CSMD1: variants seen among roughly 807,000 people sequenced by gnomAD.
The protein encoded by CSMD1 is CUB and sushi domain-containing protein 1.
CSMD1 carries 213 observed loss-of-function variants against 417.5 expected under a neutral mutation model. The observed-to-expected ratio is 0.51, with a 90% CI of 0.46 to 0.57. The LOEUF is 0.57. Among genes scored for constraint, CSMD1 ranks in the 20% least tolerant of loss-of-function variants. The pLI is 0.00. For synonymous variants in CSMD1, 2,862 were observed against 1,736.8 expected, an observed-to-expected ratio of 1.65 and a Z score of -16.11; for missense variants, 6,923 against 4,529.7, an observed-to-expected ratio of 1.53 and a Z score of -15.17.
At chr8:4,064,737 C>A (rs1563075522) in intron 3 of CSMD1, among the ~76,000 whole-genome samples, 1 of 152,162 alleles carries the variant, frequency 6.6e-6, no homozygotes, top group Non-Finnish European at 1.5e-5. Flanking sequence ...CCTTCACAAC[C>A]GAGATCTCTC....
At chr8:3,691,409 CA>C (rs1800238298) in intron 7 of CSMD1, among the ~76,000 whole-genome samples, 1 of 151,602 alleles carries the variant, frequency 6.6e-6, no homozygotes, top group African/African-American at 2.4e-5. Context: ...AAAAACAAAA[CA>C]AACAAAAAAC....
At chr8:4,276,450 A>C (rs897405923) in intron 3 of CSMD1, among the ~76,000 whole-genome samples, 1 of 152,100 alleles carries the variant, frequency 6.6e-6, no homozygotes, top group African/African-American at 2.4e-5. Flanking sequence ...CTTGGAGGGG[A>C]ACATCACACA....
At chr8:3,018,248 C>T (rs778929792) in intron 52 of CSMD1, among the ~76,000 whole-genome samples, 1 of 152,164 alleles carries the variant, frequency 6.6e-6, no homozygotes, top group Non-Finnish European at 1.5e-5. Flanking sequence ...AGCACTCTTG[C>T]AAGATTGCCT....
intron 1 of CSMD1, among the ~76,000 whole-genome samples, chr8:4,733,918 G>C (rs577970876): frequency 6.6e-6 from 1 of 152,094 alleles, no homozygotes; most frequent in South Asian, 2.1e-4. Flanking sequence ...AAACAGACAA[G>C]GATAGCATTT....
intron 1 of CSMD1, among the ~76,000 whole-genome samples, chr8:4,794,597 G>T (rs192821949): frequency 6.6e-6 from 1 of 151,938 alleles, no homozygotes; most frequent in Non-Finnish European, 1.5e-5. Context: ...CCCCTCACAC[G>T]CCTCTGGGCT....
intron 5 of CSMD1, among the ~76,000 whole-genome samples, chr8:3,808,510 G>A (rs6988435): frequency 6.6e-6 from 1 of 152,124 alleles, no homozygotes; most frequent in East Asian, 1.9e-4. Context: ...GAAAGACTAA[G>A]AGCATGCTAC....
intron 3 of CSMD1, among the ~76,000 whole-genome samples, chr8:4,261,201 A>G (rs900684802): frequency 6.6e-6 from 1 of 152,222 alleles, no homozygotes. Flanking sequence ...GTTAAAAGCT[A>G]CTAGAGAAAG....
At chr8:4,222,478 T>G (rs562802910) in intron 3 of CSMD1, among the ~76,000 whole-genome samples, 2 of 152,246 alleles carry the variant, frequency 1.3e-5, no homozygotes, top group South Asian at 4.1e-4. Flanking sequence ...ATGTTCTCAG[T>G]AAGTCAGTCA....
At chr8:3,011,811 C>A (rs1808402543) in intron 52 of CSMD1, among the ~76,000 whole-genome samples, 2 of 152,148 alleles carry the variant, frequency 1.3e-5, no homozygotes, top group Non-Finnish European at 2.9e-5. Context: ...TGACAGGAAA[C>A]CTAGACCACA....
At chr8:4,187,053 A>C (rs1798722209) in intron 3 of CSMD1, among the ~76,000 whole-genome samples, 1 of 152,124 alleles carries the variant, frequency 6.6e-6, no homozygotes, top group Non-Finnish European at 1.5e-5. Flanking sequence ...TGCCCATATA[A>C]ATGTTTGCTC....
intron 3 of CSMD1, among the ~76,000 whole-genome samples, chr8:4,142,479 G>T (rs968308359): frequency 6.6e-6 from 1 of 151,184 alleles, no homozygotes; most frequent in Admixed American, 6.6e-5. Flanking sequence ...CTTGTTATTT[G>T]CTAAATTCAC....
At chr8:3,128,949 C>T in intron 41 of CSMD1, 1 of 424,188 alleles carries the variant, frequency 2.4e-6, no homozygotes, top group Non-Finnish European at 4.6e-6. Context: ...TCTCACAAAT[C>T]CTTTAAAAGC....
At chr8:3,639,449 G>A (rs1038499594) in intron 7 of CSMD1, among the ~76,000 whole-genome samples, 1 of 152,230 alleles carries the variant, frequency 6.6e-6, no homozygotes, top group Non-Finnish European at 1.5e-5. Flanking sequence ...TGATAAATCA[G>A]TCTATGACCT....
Position 4,270,830 on chromosome 8 carries a change from C to A in CSMD1, c.415+149123G>T, listed in dbSNP as rs902657670. Among the ~76,000 whole-genome samples the A allele has an allele frequency of 2.0e-5, 3 of 152,202 alleles. No individual in the cohort carries two copies. In the East Asian group the frequency reaches 5.8e-4, roughly 29 times the overall value. ...AAGTTCCCTGCCGCCCACCACACTC[C>A]GTGACTTCCCCACTTACTCACTGAT... On this transcript the variant is annotated intron_variant, in intron 3 of 69. Transcript: ENST00000635120.
chr8:3,042,561 C>A (rs59213950), intron 50 of CSMD1, among the ~76,000 whole-genome samples: 3 of 152,130 alleles, frequency 2.0e-5, no homozygotes, highest in Admixed American at 1.3e-4. Flanking sequence ...GGGCACTTTA[C>A]GCTAGTTCCA....
intron 1 of CSMD1, among the ~76,000 whole-genome samples, chr8:4,731,852 A>G (rs1809894535): frequency 6.6e-6 from 1 of 152,148 alleles, no homozygotes; most frequent in Non-Finnish European, 1.5e-5. Context: ...GTCTTCTCAC[A>G]TGGGCTTTAG....
chr8:3,223,989 A>G (rs998044709), intron 27 of CSMD1, 122 bp from the exon 28 acceptor site: 1 of 880,036 alleles, frequency 1.1e-6, no homozygotes, highest in Non-Finnish European at 1.7e-6. Context: ...TACCAGTCCA[A>G]GAGATTGTGT....
chr8:3,107,915 G>A (rs1816252470), intron 44 of CSMD1, 117 bp from the exon 45 acceptor site: 1 of 645,724 alleles, frequency 1.5e-6, no homozygotes, highest in Non-Finnish European at 2.7e-6. Flanking sequence ...GGACTGAAAT[G>A]TCTCTATTCC....
chr8:3,880,024 A>C (rs1461094764), intron 5 of CSMD1, among the ~76,000 whole-genome samples: 2 of 151,974 alleles, frequency 1.3e-5, no homozygotes, highest in Non-Finnish European at 2.9e-5. Context: ...GACTAATGTA[A>C]GTATAAAATC....
Sources: gnomAD v4.1 joint callset for allele counts (sites outside exome capture counted in the v4.1 genomes callset) on GRCh38, gnomAD v4.1.1 for gene constraint, MANE v1.5 for transcripts, NCBI Gene and HGNC (gene_info 2026-07-23, HGNC 2026-07-21) for gene names.